The following ELP4 variants were observed in gnomAD, a reference collection of about 807,000 sequenced individuals.
The protein encoded by ELP4 is elongator acetyltransferase complex subunit 4.
Under a neutral mutation model 48.9 loss-of-function variants are expected in ELP4, and 51 were observed. That is an observed-to-expected ratio of 1.04 (90% CI 0.83 to 1.32). ELP4 has a LOEUF of 1.32. Ranked by LOEUF, ELP4 falls within the 40% of genes most tolerant of loss-of-function variation. ELP4 has a pLI of 0.00. For missense variants in ELP4, 519 were observed against 514.6 expected (o/e 1.01, Z -0.08); for synonymous variants, 210 against 189.2 (o/e 1.11, Z -0.90).
rs1339973767 is a variant in ELP4, at chr11:31,767,711, A to G, written c.1144-15682A>G. Reference sequence around the variant, plus strand: ...ATCATTTCCTTTAACTTTATTTCCCATTATTCATAGAAAAGCTTTCTATCT... The same window carrying G: ...ATCATTTCCTTTAACTTTATTTCCCGTTATTCATAGAAAAGCTTTCTATCT... On this transcript the variant is annotated intron_variant, in intron 9 of 9. Coordinates refer to ENST00000640961, the MANE Select transcript of ELP4 (RefSeq NM_019040.5). 2.6e-5 allele frequency: 4 copies of G among 151,888 alleles called. No homozygotes were observed. In the East Asian group the frequency reaches 5.8e-4, roughly 22 times the overall value. 9.4% of individuals were successfully genotyped at this position (151,888 alleles called of 1,614,324 possible).
chr11:31,727,105 A>G (rs907836864), intron 9 of ELP4, among the ~76,000 whole-genome samples: 3 of 151,998 alleles, frequency 2.0e-5, no homozygotes, highest in Admixed American at 6.6e-5. Flanking sequence ...TATGGACAGT[A>G]TCAGTGTCCT....
At chr11:31,657,878 A>G (rs920935161) in intron 9 of ELP4, among the ~76,000 whole-genome samples, 3 of 152,032 alleles carry the variant, frequency 2.0e-5, no homozygotes, top group African/African-American at 4.8e-5. Context: ...AAGTTTTATT[A>G]CATGTTTAAC....
At chr11:31,582,483 T>C (rs1427027664) in intron 3 of ELP4, among the ~76,000 whole-genome samples, 2 of 152,198 alleles carry the variant, frequency 1.3e-5, no homozygotes, top group Non-Finnish European at 2.9e-5. Flanking sequence ...CAAATTATTA[T>C]TCTCTTATTT....
chr11:31,538,337 C>G (rs1956536925), intron 2 of ELP4, among the ~76,000 whole-genome samples: 1 of 147,534 alleles, frequency 6.8e-6, no homozygotes, highest in Non-Finnish European at 1.5e-5. Context: ...TATAATTACT[C>G]TATTATATTG....
chr11:31,788,047 T>C lies in ELP4; in HGVS notation c.*4523T>C, dbSNP rs901943445. 1.3e-5 allele frequency: 3 copies of C among 223,126 alleles called. No individual in the cohort carries two copies. The East Asian group carries it at 1.9e-4, about 14-fold the overall frequency. 13.8% of individuals were successfully genotyped at this position (223,126 alleles called of 1,614,324 possible). ...AGGAAGACTTATCTGTATTGACTTATATGTTGCACAGAACAAATGAAAGTC... is the reference window on the plus strand; with the variant it reads ...AGGAAGACTTATCTGTATTGACTTACATGTTGCACAGAACAAATGAAAGTC... On this transcript the variant is annotated 3_prime_UTR_variant, in exon 10 of 10. Coordinates refer to ENST00000640961, the MANE Select transcript of ELP4 (RefSeq NM_019040.5).
chr11:31,770,836 G>GAA (rs60053913), intron 9 of ELP4, among the ~76,000 whole-genome samples: 4 of 51,568 alleles, frequency 7.8e-5, no homozygotes, highest in Admixed American at 3.0e-4. Context: ...TGTCAAAAAA[G>GAA]AAAAAAAAAA....
intron 9 of ELP4, chr11:31,662,734 T>C (rs143638440): frequency 1.0e-3 from 399 of 393,226 alleles, no homozygotes; most frequent in African/African-American, 7.3e-3. Flanking sequence ...ATACAGTCAT[T>C]TGCTGTGTAA....
chr11:31,541,241 A>T (rs1211523463), intron 3 of ELP4, among the ~76,000 whole-genome samples: 1 of 152,240 alleles, frequency 6.6e-6, no homozygotes, highest in South Asian at 2.1e-4. Context: ...CATATGATTC[A>T]GACTTTGCTT....
At chr11:31,610,516 C>T (rs1311229786) in intron 5 of ELP4, among the ~76,000 whole-genome samples, 1 of 152,142 alleles carries the variant, frequency 6.6e-6, no homozygotes, top group Non-Finnish European at 1.5e-5. Flanking sequence ...GCCTCCCTTC[C>T]CCCCTCCGTA....
chr11:31,680,032 T>C (rs986028127), intron 9 of ELP4, among the ~76,000 whole-genome samples: 4 of 152,190 alleles, frequency 2.6e-5, no homozygotes, highest in African/African-American at 9.7e-5. Context: ...AATTTTTTTT[T>C]CCTAGGCTTT....
chr11:31,707,483 T>C (rs1436571573), intron 9 of ELP4: 1 of 152,452 alleles, frequency 6.6e-6, no homozygotes, highest in Non-Finnish European at 1.5e-5. Context: ...TATTTTATAA[T>C]ACCTTCTGTA....
intron 9 of ELP4, among the ~76,000 whole-genome samples, chr11:31,685,732 T>A (rs1946146624): frequency 6.6e-6 from 1 of 152,054 alleles, no homozygotes; most frequent in Non-Finnish European, 1.5e-5. Flanking sequence ...GAGATCGAGA[T>A]CATCTTGGCT....
At chr11:31,677,932 G>C (rs1270215132) in intron 9 of ELP4, among the ~76,000 whole-genome samples, 2 of 152,110 alleles carry the variant, frequency 1.3e-5, no homozygotes, top group African/African-American at 2.4e-5. Flanking sequence ...AATGTATAAT[G>C]ACATGTATTC....
chr11:31,758,312 C>T (rs551781773), intron 9 of ELP4, among the ~76,000 whole-genome samples: 14 of 152,242 alleles, frequency 9.2e-5, no homozygotes, highest in African/African-American at 3.4e-4. Context: ...ATTTGTGGGT[C>T]ACACTCATGT....
At chr11:31,537,763 A>G (rs1432568445) in intron 2 of ELP4, among the ~76,000 whole-genome samples, 2 of 152,088 alleles carry the variant, frequency 1.3e-5, no homozygotes, top group Non-Finnish European at 2.9e-5. Flanking sequence ...CCATGAACCA[A>G]TCACCTCCCA....
intron 9 of ELP4, among the ~76,000 whole-genome samples, chr11:31,739,046 C>T (rs1947387464): frequency 1.3e-5 from 2 of 152,128 alleles, no homozygotes; most frequent in South Asian, 2.1e-4. Flanking sequence ...CCTAAAAAGT[C>T]ATTAAGAGTG....
intron 6 of ELP4, among the ~76,000 whole-genome samples, chr11:31,631,888 G>A (rs930594426): frequency 2.6e-5 from 4 of 152,022 alleles, no homozygotes; most frequent in African/African-American, 9.7e-5. Context: ...TTCTAGTTTA[G>A]ATTTCATCAT....
intron 9 of ELP4, among the ~76,000 whole-genome samples, chr11:31,727,238 T>C (rs528512205): frequency 6.6e-6 from 1 of 152,222 alleles, no homozygotes; most frequent in East Asian, 1.9e-4. Context: ...TCATTTGTTA[T>C]ATTGCTTCAC....
intron 9 of ELP4, chr11:31,780,606 T>G (rs1472197355): frequency 6.6e-6 from 1 of 151,762 alleles, no homozygotes; most frequent in African/African-American, 2.4e-5. Flanking sequence ...TATTTGACTT[T>G]ACTTCAAAGC....
Sources: gnomAD v4.1 joint callset for allele counts (sites outside exome capture counted in the v4.1 genomes callset) on GRCh38, gnomAD v4.1.1 for gene constraint, MANE v1.5 for transcripts, NCBI Gene and HGNC (gene_info 2026-07-23, HGNC 2026-07-21) for gene names.